FRK: variants seen among roughly 807,000 people sequenced by gnomAD.
FRK encodes tyrosine-protein kinase FRK.
Under a neutral mutation model 56.4 loss-of-function variants are expected in FRK, and 51 were observed. That is an observed-to-expected ratio of 0.90 (90% CI 0.72 to 1.14). FRK has a LOEUF of 1.14. Among genes scored for constraint, FRK ranks in the 50% most tolerant of loss-of-function variants. The pLI is 0.00. For missense variants in FRK, 570 were observed against 601.4 expected, an observed-to-expected ratio of 0.95 and a Z score of 0.55; for synonymous variants, 245 against 217.9, an observed-to-expected ratio of 1.12 and a Z score of -1.10.
In FRK at chr6:115,967,230, C is replaced by G. The variant is rs562541073; in HGVS notation, c.799+321G>C. Among the ~76,000 whole-genome samples the G allele has an allele frequency of 2.5e-3, 381 of 152,150 alleles. 1 individual carries two copies. Among genetic ancestry groups the G allele is most frequent in the Non-Finnish European group, 3.9e-3 (263 of 67,974 alleles). ...CTTCTGATTTTTTAAATATTTTCAG[C>G]TAAGTCAATATCTTTTAACTAAGGC... is the stretch of plus-strand genomic sequence containing the variant. On this transcript the variant is annotated intron_variant, in intron 4 of 7. Coordinates refer to ENST00000606080, the MANE Select transcript of FRK (RefSeq NM_002031.3).
intron 1 of FRK, among the ~76,000 whole-genome samples, chr6:116,041,033 C>T (rs1776688472): frequency 6.6e-6 from 1 of 152,164 alleles, no homozygotes; most frequent in African/African-American, 2.4e-5. Context: ...TTGGTCTCCA[C>T]TAATTACTAT....
intron 2 of FRK, among the ~76,000 whole-genome samples, chr6:115,997,333 C>G (rs1774877979): frequency 6.6e-6 from 1 of 151,930 alleles, no homozygotes; most frequent in East Asian, 1.9e-4. Flanking sequence ...TCACAAACTA[C>G]TATTATAAAA....
chr6:116,083,172 G>A, the FRK span, among the ~76,000 whole-genome samples: 5 of 152,156 alleles, frequency 3.3e-5, no homozygotes, highest in African/African-American at 1.2e-4. Flanking sequence ...ATAATACTGA[G>A]GATTGACCAT....
At chr6:116,007,400 G>C (rs1775283235) in intron 1 of FRK, among the ~76,000 whole-genome samples, 1 of 152,168 alleles carries the variant, frequency 6.6e-6, no homozygotes, top group African/African-American at 2.4e-5. Flanking sequence ...ATTAACTTGA[G>C]ACCGCATGGA....
At chr6:115,950,686 T>C (rs960567491) in intron 5 of FRK, among the ~76,000 whole-genome samples, 3 of 152,178 alleles carry the variant, frequency 2.0e-5, no homozygotes, top group African/African-American at 4.8e-5. Flanking sequence ...CCCAAAGGAT[T>C]ATAAATCATT....
At chr6:115,998,460 C>T (rs1202094386) in intron 2 of FRK, among the ~76,000 whole-genome samples, 1 of 152,192 alleles carries the variant, frequency 6.6e-6, no homozygotes, top group African/African-American at 2.4e-5. Context: ...CCACTCCCCA[C>T]ATGCACCCAC....
chr6:115,959,565 T>G (rs573237950), intron 4 of FRK, among the ~76,000 whole-genome samples: 1 of 152,296 alleles, frequency 6.6e-6, no homozygotes, highest in South Asian at 2.1e-4. Context: ...ATCTGGCCAC[T>G]TTAAAGTGCC....
At chr6:116,084,890 A>T in the FRK span, among the ~76,000 whole-genome samples, 1 of 152,206 alleles carries the variant, frequency 6.6e-6, no homozygotes, top group South Asian at 2.1e-4. Context: ...GCTTTGCAAA[A>T]AGAAGTGATA....
chr6:116,088,146 T>C, the FRK span, among the ~76,000 whole-genome samples: 1 of 152,214 alleles, frequency 6.6e-6, no homozygotes, highest in Admixed American at 6.5e-5. Context: ...ATGTTGCTTT[T>C]TGGTATTGTT....
chr6:116,020,645 A>G lies in FRK; in HGVS notation c.345-16647T>C, dbSNP rs187587164. ...CATCATTTTGTATCATTTTTCCTTA[A>G]GAGAGCTACCTCTCCAAATTACATA... On this transcript the variant is annotated intron_variant, in intron 1 of 7. Transcript: ENST00000606080. 2.6e-3 allele frequency among the ~76,000 whole-genome samples: 392 copies of G among 152,252 alleles called. 12 individuals carry two copies. In the South Asian group the frequency reaches 0.044, roughly 17 times the overall value.
chr6:116,060,282 C>T lies in FRK; in HGVS notation c.30G>A (p.Glu10=). 2 of 1,613,978 alleles carry T rather than the reference C, an allele frequency of 1.2e-6. No homozygotes were observed. Among genetic ancestry groups the T allele is most frequent in the Non-Finnish European group, 1.7e-6 (2 of 1,179,944 alleles). Residue 10 remains glutamate (E), a synonymous_variant, in exon 1 of 8, where the codon GAG becomes GAA. Coordinates refer to ENST00000606080, the MANE Select transcript of FRK (RefSeq NM_002031.3). ...AACAGGGGAGATAGGGTTCTAGGTA[C>T]TCCCAGAGCCTCTGACAGATGTTGC... MSNICQRLW[E]YLEPYLPCLS... is the part of the protein sequence containing the mutation.
intron 1 of FRK, among the ~76,000 whole-genome samples, chr6:116,033,199 G>C (rs1282212559): frequency 6.6e-6 from 1 of 151,976 alleles, no homozygotes; most frequent in Non-Finnish European, 1.5e-5. Context: ...ATCAGCACAA[G>C]CTAATTAAAA....
chr6:116,089,301 C>G, the FRK span, among the ~76,000 whole-genome samples: 1 of 152,210 alleles, frequency 6.6e-6, no homozygotes, highest in African/African-American at 2.4e-5. Context: ...ACTCAGAAAG[C>G]AGCAATAGTT....
chr6:115,970,323 T>C (rs1333644397), intron 2 of FRK, among the ~76,000 whole-genome samples: 1 of 152,162 alleles, frequency 6.6e-6, no homozygotes, highest in Non-Finnish European at 1.5e-5. Context: ...GTAATTCCAC[T>C]CCTAAGCATA....
chr6:115,938,012 A>G lies in FRK; in HGVS notation c.*4402T>C, dbSNP rs1285008820. The G allele has an allele frequency of 2.0e-5, 3 of 152,216 alleles. No individual in the cohort carries two copies. Among genetic ancestry groups the G allele is most frequent in the Non-Finnish European group, 2.9e-5 (2 of 68,040 alleles). The allele number at this position is 152,216 out of a possible 1,614,324, so 9.4% of individuals were successfully genotyped here. ...TCTACAGAATTCTCTACCCCAAATC[A>G]ACAGAATATACATTCTTCTCAGCAC... On this transcript the variant is annotated 3_prime_UTR_variant, in exon 8 of 8. Transcript: ENST00000606080.
chr6:115,951,893 C>T (rs1772768082), intron 5 of FRK, among the ~76,000 whole-genome samples: 1 of 152,034 alleles, frequency 6.6e-6, no homozygotes, highest in South Asian at 2.1e-4. Flanking sequence ...TTTACATTTG[C>T]AGTAAGAAAA....
the FRK span, among the ~76,000 whole-genome samples, chr6:116,096,474 A>G: frequency 2.6e-5 from 4 of 152,216 alleles, no homozygotes. Context: ...CTCTGTGTCT[A>G]GCTAAAAGAC....
Position 115,937,776 on chromosome 6 carries a change from A to G in FRK, c.*4638T>C, listed in dbSNP as rs573370365. ...CAGATCAATGCAACAAGAATAGCTA[A>G]CTATCCTAAATATATATACACCCAA... On this transcript the variant is annotated 3_prime_UTR_variant, in exon 8 of 8. Transcript: ENST00000606080. 6.6e-6 allele frequency: 1 copy of G among 152,368 alleles called. No homozygotes were observed. Among genetic ancestry groups the G allele is most frequent in the South Asian group, 2.1e-4 (1 of 4,832 alleles). The allele number at this position is 152,368 out of a possible 1,614,324, so 9.4% of individuals were successfully genotyped here.
intron 5 of FRK, among the ~76,000 whole-genome samples, chr6:115,952,961 T>C (rs1033189520): frequency 6.7e-6 from 1 of 149,382 alleles, no homozygotes; most frequent in Non-Finnish European, 1.5e-5. Flanking sequence ...TTGGGAGATA[T>C]ACCTAACGCT....
Sources: gnomAD v4.1 joint callset for allele counts (sites outside exome capture counted in the v4.1 genomes callset) on GRCh38, gnomAD v4.1.1 for gene constraint, MANE v1.5 for transcripts, NCBI Gene and HGNC (gene_info 2026-07-23, HGNC 2026-07-21) for gene names.